The following IL20RB variants were observed in gnomAD, a reference collection of about 807,000 sequenced individuals.
The protein encoded by IL20RB is interleukin 20 receptor subunit beta, also known as interleukin-20 receptor subunit beta.
In IL20RB, 21 loss-of-function variants were observed where a neutral mutation model predicts 33.3. That is an observed-to-expected ratio of 0.63 (90% CI 0.45 to 0.91). The LOEUF (loss-of-function observed/expected upper bound fraction) is 0.91. Among genes scored for constraint, IL20RB ranks in the 40% least tolerant of loss-of-function variants. The probability of loss-of-function intolerance (pLI) is 0.00; values close to 1 mark genes in which losing one functional copy is unlikely to be tolerated. For missense variants in IL20RB, 345 were observed against 384.8 expected, an observed-to-expected ratio of 0.90 and a Z score of 0.86; for synonymous variants, 147 against 146.8, an observed-to-expected ratio of 1.00 and a Z score of -0.01.
At chr3:136,985,337 C>T (rs1380971955) in intron 3 of IL20RB, among the ~76,000 whole-genome samples, 1 of 137,286 alleles carries the variant, frequency 7.3e-6, no homozygotes, top group African/African-American at 2.7e-5. Context: ...CTCTCTCTCT[C>T]TTTTTTTTTT....
At chr3:136,993,574 C>A (rs1163151352) in intron 5 of IL20RB, among the ~76,000 whole-genome samples, 1 of 152,050 alleles carries the variant, frequency 6.6e-6, no homozygotes, top group African/African-American at 2.4e-5. Context: ...CTCCCCCAAC[C>A]CCCACCCCAT....
At chr3:137,003,542 G>A (rs940256140) in intron 6 of IL20RB, among the ~76,000 whole-genome samples, 2 of 152,102 alleles carry the variant, frequency 1.3e-5, no homozygotes, top group Non-Finnish European at 2.9e-5. Context: ...ATGGTGAATG[G>A]GAGTTCACTC....
chr3:136,960,930 GTGGA>G (rs1240503078), intron 1 of IL20RB, among the ~76,000 whole-genome samples: 1 of 152,224 alleles, frequency 6.6e-6, no homozygotes, highest in Non-Finnish European at 1.5e-5. Flanking sequence ...AATAAAGGGA[GTGGA>G]CATCAGGCCC....
intron 4 of IL20RB, among the ~76,000 whole-genome samples, chr3:136,991,084 G>A (rs2108208805): frequency 6.6e-6 from 1 of 152,320 alleles, no homozygotes; most frequent in South Asian, 2.1e-4. Flanking sequence ...CTCAGGGAGG[G>A]GCATGGAGGT....
At chr3:136,999,205 TCCCAC>T (rs1187599594) in intron 6 of IL20RB, among the ~76,000 whole-genome samples, 1 of 152,124 alleles carries the variant, frequency 6.6e-6, no homozygotes, top group Non-Finnish European at 1.5e-5. Flanking sequence ...CAAGTGATCC[TCCCAC>T]TTCAGCCTCT....
intron 1 of IL20RB, among the ~76,000 whole-genome samples, chr3:136,970,109 T>TTA (rs1488030978): frequency 9.2e-5 from 14 of 152,004 alleles, no homozygotes; most frequent in African/African-American, 2.7e-4. Flanking sequence ...TGTTTTTTTT[T>TTA]TAGACAGGGT....
intron 6 of IL20RB, among the ~76,000 whole-genome samples, chr3:137,004,544 T>C (rs1025153543): frequency 6.6e-6 from 1 of 152,224 alleles, no homozygotes; most frequent in Non-Finnish European, 1.5e-5. Context: ...TTTTCTAGTT[T>C]ATTTGCGTAG....
rs138238763 is a variant in IL20RB, at chr3:136,981,804, A to G, written c.216-356A>G. On this transcript the variant is annotated intron_variant, in intron 2 of 6. Transcript: ENST00000329582. ...CCTGTAGGAAGCCATTAAGGAGAGA[A>G]ACGTCACAATCTGCTGAGTGGTGAA... is the stretch of plus-strand genomic sequence containing the variant. Among the ~76,000 whole-genome samples, 353 of 152,310 alleles carry G rather than the reference A, an allele frequency of 2.3e-3. 1 individual carries two copies. Among genetic ancestry groups the G allele is most frequent in the African/African-American group, 7.3e-3 (305 of 41,562 alleles).
intron 3 of IL20RB, among the ~76,000 whole-genome samples, chr3:136,986,318 G>A (rs1941898047): frequency 6.6e-6 from 1 of 152,168 alleles, no homozygotes; most frequent in Admixed American, 6.5e-5. Flanking sequence ...AATGAGATAA[G>A]CATGCAGAAG....
intron 1 of IL20RB, among the ~76,000 whole-genome samples, chr3:136,962,406 G>C (rs1212852730): frequency 1.3e-5 from 2 of 152,094 alleles, no homozygotes; most frequent in African/African-American, 4.8e-5. Flanking sequence ...GAAAATATCA[G>C]ACAAAACCAA....
chr3:136,977,657 C>A (rs1158327357), intron 1 of IL20RB, among the ~76,000 whole-genome samples: 2 of 152,138 alleles, frequency 1.3e-5, no homozygotes, highest in East Asian at 1.9e-4. Flanking sequence ...TCCTGAATAG[C>A]CAAGATTACA....
chr3:136,970,245 C>T (rs1294436366), intron 1 of IL20RB, among the ~76,000 whole-genome samples: 3 of 151,928 alleles, frequency 2.0e-5, no homozygotes, highest in Non-Finnish European at 4.4e-5. Flanking sequence ...TAGCTGAGAC[C>T]ACCACCCCTG....
At chr3:136,991,833 C>G (rs1942037826) in intron 4 of IL20RB, 105 bp from the exon 5 acceptor site, 1 of 1,163,744 alleles carries the variant, frequency 8.6e-7, no homozygotes. Flanking sequence ...TGGTCTTGAA[C>G]TCCTGACCTC....
chr3:136,975,773 C>T (rs986273325), intron 1 of IL20RB, among the ~76,000 whole-genome samples: 1 of 152,110 alleles, frequency 6.6e-6, no homozygotes, highest in Non-Finnish European at 1.5e-5. Flanking sequence ...TCTACAGGCC[C>T]CAATTGTGGC....
chr3:136,992,543 C>T (rs998156171), intron 5 of IL20RB, among the ~76,000 whole-genome samples: 11 of 152,188 alleles, frequency 7.2e-5, no homozygotes, highest in Non-Finnish European at 1.6e-4. Flanking sequence ...TACTCTTTTC[C>T]CTTGAATATT....
chr3:136,992,889 T>A (rs1299853567), intron 5 of IL20RB, among the ~76,000 whole-genome samples: 2 of 152,208 alleles, frequency 1.3e-5, no homozygotes, highest in African/African-American at 4.8e-5. Flanking sequence ...CATCCTTCAG[T>A]CATTGCCATG....
intron 3 of IL20RB, among the ~76,000 whole-genome samples, chr3:136,983,905 C>T (rs558769635): frequency 3.9e-5 from 6 of 152,250 alleles, no homozygotes; most frequent in African/African-American, 1.4e-4. Flanking sequence ...GGTGCCAACA[C>T]AGCTCACTGC....
intron 1 of IL20RB, among the ~76,000 whole-genome samples, chr3:136,970,720 T>G (rs1941456957): frequency 6.6e-6 from 1 of 151,542 alleles, no homozygotes; most frequent in African/African-American, 2.4e-5. Context: ...TGGTGCAATT[T>G]CAGCTCACTG....
intron 6 of IL20RB, among the ~76,000 whole-genome samples, chr3:137,001,400 G>GT (rs1942239729): frequency 6.6e-6 from 1 of 152,158 alleles, no homozygotes; most frequent in Non-Finnish European, 1.5e-5. Flanking sequence ...GATCACTAGC[G>GT]TCCATTGAAT....
Sources: gnomAD v4.1 joint callset for allele counts (sites outside exome capture counted in the v4.1 genomes callset) on GRCh38, gnomAD v4.1.1 for gene constraint, MANE v1.5 for transcripts, NCBI Gene and HGNC (gene_info 2026-07-23, HGNC 2026-07-21) for gene names.